The following HDAC8 variants were observed in gnomAD, a reference collection of about 807,000 sequenced individuals.
The protein encoded by HDAC8 is histone deacetylase-like 1.
Under a neutral mutation model 32.2 loss-of-function variants are expected in HDAC8, and 1 was observed. The ratio of observed to expected loss-of-function variants is 0.03; its 90% CI spans 0.01 to 0.15. HDAC8 has a LOEUF of 0.15. Among genes scored for constraint, HDAC8 ranks in the 10% least tolerant of loss-of-function variants. HDAC8 has a pLI of 1.00. For missense variants in HDAC8, 117 were observed against 300.0 expected (o/e 0.39, Z 4.51); for synonymous variants, 108 against 113.9 (o/e 0.95, Z 0.33).
intron 5 of HDAC8, among the ~76,000 whole-genome samples, chrX:72,492,624 T>C (rs1254653293): frequency 2.7e-5 from 3 of 110,340 alleles, no homozygotes; most frequent in African/African-American, 9.9e-5. Flanking sequence ...AGAGGGGAAA[T>C]AAACTGAAAT....
chrX:72,481,495 A>G (rs1603035851), intron 7 of HDAC8, among the ~76,000 whole-genome samples: 1 of 111,907 alleles, frequency 8.9e-6, no homozygotes, highest in African/African-American at 3.2e-5. Flanking sequence ...ATCGCTTAAA[A>G]TAGTTATTTA....
chrX:72,431,067 C>T (rs2046801788), intron 9 of HDAC8, among the ~76,000 whole-genome samples: 1 of 111,439 alleles, frequency 9.0e-6, no homozygotes, highest in African/African-American at 3.3e-5. Flanking sequence ...ACCCAATCCC[C>T]TGATCCCTGC....
chrX:72,557,595 T>C (rs1483668080), intron 4 of HDAC8, among the ~76,000 whole-genome samples: 2 of 110,602 alleles, frequency 1.8e-5, no homozygotes, highest in African/African-American at 6.6e-5. Flanking sequence ...GAAATGCCCC[T>C]TAGCAAATGC....
intron 7 of HDAC8, among the ~76,000 whole-genome samples, chrX:72,488,320 T>A (rs145966508): frequency 1.3e-3 from 143 of 111,072 alleles, no homozygotes; most frequent in Middle Eastern, 4.6e-3. Flanking sequence ...CAATCTCAAT[T>A]TTTATGAATA....
intron 7 of HDAC8, among the ~76,000 whole-genome samples, chrX:72,470,993 AT>A (rs2148062449): frequency 9.0e-6 from 1 of 111,577 alleles, no homozygotes; most frequent in South Asian, 3.8e-4. Flanking sequence ...CCCTGAACCC[AT>A]TACCAGTCAC....
At chrX:72,497,407 A>C (rs183756948) in intron 4 of HDAC8, among the ~76,000 whole-genome samples, 78 of 111,896 alleles carry the variant, frequency 7.0e-4, no homozygotes, top group Non-Finnish European at 9.4e-4. Flanking sequence ...CAAGATTTTC[A>C]ATATGCTAAA....
chrX:72,559,420 C>T (rs2051422481), intron 4 of HDAC8, among the ~76,000 whole-genome samples: 1 of 111,028 alleles, frequency 9.0e-6, no homozygotes, highest in East Asian at 2.9e-4. Context: ...CTGCTCGCTA[C>T]AACCTCCACC....
intron 10 of HDAC8, among the ~76,000 whole-genome samples, chrX:72,331,685 CAT>C (rs1374745678): frequency 1.8e-5 from 2 of 111,403 alleles, no homozygotes; most frequent in African/African-American, 6.5e-5. Flanking sequence ...GGTTTCCCCA[CAT>C]GTTAACATCT....
chrX:72,446,090 C>G (rs2047382159), intron 9 of HDAC8, among the ~76,000 whole-genome samples: 1 of 112,240 alleles, frequency 8.9e-6, no homozygotes, highest in South Asian at 3.7e-4. Context: ...GTTGGTGGGA[C>G]TGTAAACTAG....
intron 9 of HDAC8, among the ~76,000 whole-genome samples, chrX:72,418,524 C>A (rs1301364397): frequency 1.8e-5 from 2 of 111,225 alleles, no homozygotes; most frequent in African/African-American, 6.5e-5. Context: ...ATTAAAAAGT[C>A]AAAAAATAAC....
intron 4 of HDAC8, among the ~76,000 whole-genome samples, chrX:72,516,212 G>A (rs1569362389): frequency 8.9e-6 from 1 of 111,811 alleles, no homozygotes; most frequent in Non-Finnish European, 1.9e-5. Flanking sequence ...GGAAATTTGC[G>A]AGACAGAATT....
intron 9 of HDAC8, among the ~76,000 whole-genome samples, chrX:72,450,450 A>G (rs1407448938): frequency 2.7e-5 from 3 of 112,242 alleles, no homozygotes; most frequent in Admixed American, 9.5e-5. Flanking sequence ...TGCTGTACCA[A>G]TGTCAATTTC....
intron 9 of HDAC8, among the ~76,000 whole-genome samples, chrX:72,360,342 G>A (rs1229107081): frequency 6.5e-5 from 7 of 107,520 alleles, no homozygotes; most frequent in African/African-American, 1.4e-4. Flanking sequence ...GTGACAGAGC[G>A]AGACTCCGTC....
chrX:72,466,013 T>C (rs1301403419), intron 7 of HDAC8, among the ~76,000 whole-genome samples: 1 of 111,925 alleles, frequency 8.9e-6, no homozygotes, highest in Non-Finnish European at 1.9e-5. Context: ...ACAAGGATAC[T>C]TGGGCCTATT....
chrX:72,425,854 T>G (rs1016475071), intron 9 of HDAC8, among the ~76,000 whole-genome samples: 1 of 111,747 alleles, frequency 8.9e-6, no homozygotes, highest in Non-Finnish European at 1.9e-5. Context: ...GCAATGTTCC[T>G]TTCTGAAATG....
chrX:72,382,476 A>C (rs1206149396), intron 9 of HDAC8, among the ~76,000 whole-genome samples: 1 of 112,348 alleles, frequency 8.9e-6, no homozygotes, highest in Non-Finnish European at 1.9e-5. Context: ...GTTTCAGATG[A>C]GTTCCCTCAG....
chrX:72,551,603 A>C (rs988791097), intron 4 of HDAC8, among the ~76,000 whole-genome samples: 2 of 111,591 alleles, frequency 1.8e-5, no homozygotes, highest in South Asian at 7.6e-4. Context: ...GCCTTCAAGT[A>C]ATAAGAACCT....
chrX:72,538,462 G>C (rs2050603306), intron 4 of HDAC8, among the ~76,000 whole-genome samples: 1 of 111,489 alleles, frequency 9.0e-6, no homozygotes, highest in Non-Finnish European at 1.9e-5. Flanking sequence ...AGGATTACAG[G>C]TGTGAGCTAC....
intron 10 of HDAC8, among the ~76,000 whole-genome samples, chrX:72,337,796 C>T (rs1336178127): frequency 2.7e-5 from 3 of 111,937 alleles, no homozygotes; most frequent in African/African-American, 6.5e-5. Context: ...CTGCAGGGGC[C>T]GGTCCCTTGC....
Sources: gnomAD v4.1 joint callset for allele counts (sites outside exome capture counted in the v4.1 genomes callset) on GRCh38, gnomAD v4.1.1 for gene constraint, MANE v1.5 for transcripts, NCBI Gene and HGNC (gene_info 2026-07-23, HGNC 2026-07-21) for gene names.